The following MX2 variants were observed in gnomAD, a reference collection of about 807,000 sequenced individuals.
MX2 encodes the protein MX dynamin like GTPase 2.
A neutral mutation model predicts 74.0 loss-of-function variants in MX2; 51 were observed. That is an observed-to-expected ratio of 0.69 (90% CI 0.55 to 0.87). MX2 has a LOEUF of 0.87. Among genes scored for constraint, MX2 ranks in the 40% least tolerant of loss-of-function variants. The probability of loss-of-function intolerance (pLI) is 0.00; values close to 1 mark genes in which losing one functional copy is unlikely to be tolerated. For missense variants in MX2, 832 were observed against 908.7 expected, an observed-to-expected ratio of 0.92 and a Z score of 1.09; for synonymous variants, 369 against 339.3, an observed-to-expected ratio of 1.09 and a Z score of -0.96.
At chr21:41,384,065 G>A (rs565760167) in intron 5 of MX2, among the ~76,000 whole-genome samples, 1 of 152,080 alleles carries the variant, frequency 6.6e-6, no homozygotes, top group Non-Finnish European at 1.5e-5. Context: ...CATGAGAGCT[G>A]GTGGCTTTAA....
In MX2 at chr21:41,403,405, G is replaced by A. The variant is rs577604018; in HGVS notation, c.1650+62G>A. The A allele has an allele frequency of 2.9e-6, 4 of 1,367,184 alleles. No individual in the cohort carries two copies. In the Admixed American group the frequency reaches 6.8e-5, roughly 23 times the overall value. The allele number at this position is 1,367,184 out of a possible 1,614,324, so 84.7% of individuals were successfully genotyped here. ...CACTGGCTGTTTAACCTTGAGAGAAGTTGGATATTCACTGTCATTTGGAAC... is the reference window on the plus strand; with the variant it reads ...CACTGGCTGTTTAACCTTGAGAGAAATTGGATATTCACTGTCATTTGGAAC... On this transcript the variant is annotated intron_variant, in intron 12 of 13. Coordinates refer to ENST00000330714, the MANE Select transcript of MX2 (RefSeq NM_002463.2).
At chr21:41,371,222 C>G (rs1601392549) in intron 1 of MX2, among the ~76,000 whole-genome samples, 1 of 152,168 alleles carries the variant, frequency 6.6e-6, no homozygotes, top group East Asian at 1.9e-4. Context: ...ACTCCCAAAG[C>G]CGACTGCTTG....
chr21:41,376,696 C>A (rs570954928), intron 1 of MX2, 140 bp from the exon 2 acceptor site: 137 of 619,272 alleles, frequency 2.2e-4, no homozygotes, highest in African/African-American at 2.1e-3. Context: ...CAGACAGGGG[C>A]CCTGCACTGG....
At chr21:41,384,730 G>A (rs912326868) in intron 5 of MX2, among the ~76,000 whole-genome samples, 1 of 151,546 alleles carries the variant, frequency 6.6e-6, no homozygotes, top group East Asian at 1.9e-4. Flanking sequence ...AATTAATTAG[G>A]TTCCAGCTAC....
At chr21:41,401,874 G>C in intron 10 of MX2, 96 bp from the exon 11 acceptor site, 4 of 1,373,832 alleles carry the variant, frequency 2.9e-6, no homozygotes, top group Non-Finnish European at 3.0e-6. Context: ...TTGCCTCTGC[G>C]TACAGTGGGG....
intron 5 of MX2, among the ~76,000 whole-genome samples, chr21:41,384,060 G>T (rs1449931641): frequency 3.3e-5 from 5 of 152,134 alleles, no homozygotes; most frequent in Non-Finnish European, 7.3e-5. Context: ...GTTCTCATGA[G>T]AGCTGGTGGC....
In MX2 at chr21:41,380,297, T is replaced by A; in HGVS notation, c.577+146T>A. On this transcript the variant is annotated intron_variant, in intron 4 of 13. Transcript: ENST00000330714. This position sits in a 1 kb window ranked among gnomAD's most constrained non-coding sequence, Gnocchi z 4.3. ...CCACATGGGGCTGAACCCATTGCTG[T>A]CACCTCCACCATCCCTCCAGGTCCT... 1 of 1,101,834 alleles carries A rather than the reference T, an allele frequency of 9.1e-7. No individual in the cohort carries two copies. The highest frequency in any genetic ancestry group is 1.3e-6 in the Non-Finnish European group (1 of 776,296). The allele number at this position is 1,101,834 out of a possible 1,614,324, so 68.3% of individuals were successfully genotyped here.
At chr21:41,362,919 T>C (rs747864966) in intron 1 of MX2, among the ~76,000 whole-genome samples, 1 of 151,584 alleles carries the variant, frequency 6.6e-6, no homozygotes, top group African/African-American at 2.4e-5. Flanking sequence ...CCACCACACC[T>C]GGTTAATTTT....
At chr21:41,391,719 T>C (rs990740587) in intron 6 of MX2, among the ~76,000 whole-genome samples, 9 of 152,138 alleles carry the variant, frequency 5.9e-5, no homozygotes, top group African/African-American at 2.2e-4. Flanking sequence ...TCAATAGTCA[T>C]GGGATATACA....
In MX2 at chr21:41,402,348, G is replaced by A. The variant is rs939632637; in HGVS notation, c.1573+220G>A. On this transcript the variant is annotated intron_variant, in intron 11 of 13. Coordinates refer to ENST00000330714, the MANE Select transcript of MX2 (RefSeq NM_002463.2). The surrounding 1 kb of genome is among the most constrained non-coding windows in gnomAD (Gnocchi z 4.5). The stretch of plus-strand genomic sequence containing the variant: ...ATTCTGCCCTTCTGCCTGAGAACTC[G>A]TACTGAGGTTTCCAGGAGATGGGGA... The A allele has an allele frequency of 3.3e-5, 17 of 522,060 alleles. No homozygotes were observed. Among genetic ancestry groups the A allele is most frequent in the Non-Finnish European group, 4.9e-5 (15 of 305,786 alleles). The allele number at this position is 522,060 out of a possible 1,614,324, so 32.3% of individuals were successfully genotyped here.
At chr21:41,378,199 G>A (rs1158082407) in intron 3 of MX2, among the ~76,000 whole-genome samples, 6 of 139,094 alleles carry the variant, frequency 4.3e-5, no homozygotes, top group Admixed American at 2.1e-4. Flanking sequence ...GGAGAGACAC[G>A]TTGCTGGGAG....
intron 12 of MX2, 67 bp downstream of exon 12, chr21:41,403,410 A>C: frequency 7.5e-7 from 1 of 1,326,412 alleles, no homozygotes; most frequent in Non-Finnish European, 1.1e-6. Flanking sequence ...GAGAAGTTGG[A>C]TATTCACTGT....
At position 41,408,377 on chromosome 21, in the gene MX2, C is replaced by T. The variant is rs1468170819; in HGVS notation, c.*144C>T. The stretch of plus-strand genomic sequence containing the variant: ...CTACTGTACTCCCTCAGCATCAGAG[C>T]ATGCATCAGGGGTCCACACAGGCTC... On this transcript the variant is annotated 3_prime_UTR_variant, in exon 14 of 14. Transcript: ENST00000330714. 1 of 1,148,116 alleles carries T rather than the reference C, an allele frequency of 8.7e-7. No homozygotes were observed. The highest frequency in any genetic ancestry group is 1.6e-5 in the South Asian group (1 of 63,360). The allele number at this position is 1,148,116 out of a possible 1,614,324, so 71.1% of individuals were successfully genotyped here.
At chr21:41,386,717 G>A (rs1568940458) in intron 5 of MX2, among the ~76,000 whole-genome samples, 1 of 152,200 alleles carries the variant, frequency 6.6e-6, no homozygotes, top group Non-Finnish European at 1.5e-5. Context: ...GCCATTGCTG[G>A]GAATTCCTCG....
chr21:41,362,564 C>G (rs57016373), intron 1 of MX2, among the ~76,000 whole-genome samples: 6,523 of 151,766 alleles, frequency 0.043, 453 homozygotes, highest in African/African-American at 0.14. Flanking sequence ...TAGCCTTTGC[C>G]GATTCTCTTC....
chr21:41,390,255 G>A (rs190830322), intron 5 of MX2: 140 of 335,510 alleles, frequency 4.2e-4, no homozygotes, highest in Non-Finnish European at 8.2e-5. Context: ...ATAGAAGGCA[G>A]GATCTCCAAG....
At chr21:41,399,112 G>T (rs1402309871) in intron 9 of MX2, 84 bp from the exon 10 acceptor site, 1 of 1,595,148 alleles carries the variant, frequency 6.3e-7, no homozygotes, top group South Asian at 1.1e-5. Context: ...AGATGAGGTG[G>T]GCGGGTGGAC....
At chr21:41,370,119 T>C (rs1002554063) in intron 1 of MX2, 1 of 151,992 alleles carries the variant, frequency 6.6e-6, no homozygotes, top group Non-Finnish European at 1.5e-5. Flanking sequence ...CCATGGCGGG[T>C]GGGTAAAGGT....
At chr21:41,395,867 A>AGTGTGTGT in intron 7 of MX2, 82 bp downstream of exon 7, 1 of 1,376,196 alleles carries the variant, frequency 7.3e-7, no homozygotes, top group Non-Finnish European at 1.0e-6. Context: ...TCATGACCAA[A>AGTGTGTGT]GTGTATGCAC....
Sources: gnomAD v4.1 joint callset for allele counts (sites outside exome capture counted in the v4.1 genomes callset) on GRCh38, gnomAD v4.1.1 for gene constraint, Gnocchi (gnomAD v3.1) non-coding constraint, MANE v1.5 for transcripts, NCBI Gene and HGNC (gene_info 2026-07-23, HGNC 2026-07-21) for gene names.